The following FAM13B variants were observed in gnomAD, a reference collection of about 807,000 sequenced individuals.
FAM13B encodes the protein protein FAM13B.
FAM13B carries 60 observed loss-of-function variants against 117.3 expected under a neutral mutation model. The observed-to-expected ratio is 0.51, with a 90% CI of 0.42 to 0.63. The LOEUF is 0.63. Ranked by LOEUF, FAM13B falls within the 30% of genes least tolerant of loss-of-function variation. FAM13B has a pLI of 0.00. For synonymous variants in FAM13B, 332 were observed against 356.1 expected, an observed-to-expected ratio of 0.93 and a Z score of 0.76; for missense variants, 972 against 1,091.9, an observed-to-expected ratio of 0.89 and a Z score of 1.55.
chr5:138,032,732 G>C (rs1449644243), intron 1 of FAM13B, 50 bp downstream of exon 1: 9 of 985,576 alleles, frequency 9.1e-6, no homozygotes, highest in Non-Finnish European at 1.1e-5. Flanking sequence ...GGGCCGCGGC[G>C]ACCTGCAACC....
intron 1 of FAM13B, among the ~76,000 whole-genome samples, chr5:138,038,858 G>A (rs779712570): frequency 3.3e-5 from 5 of 152,152 alleles, no homozygotes; most frequent in East Asian, 1.9e-4. Flanking sequence ...TGTGCTAGGC[G>A]ATATGATCAT....
intron 1 of FAM13B, among the ~76,000 whole-genome samples, chr5:138,027,089 T>C (rs1418526102): frequency 6.6e-6 from 1 of 152,052 alleles, no homozygotes; most frequent in African/African-American, 2.4e-5. Context: ...GAGCTGTGAC[T>C]GCACCACTGC....
intron 10 of FAM13B, among the ~76,000 whole-genome samples, chr5:137,968,078 C>T (rs1375381881): frequency 2.0e-5 from 3 of 151,700 alleles, no homozygotes; most frequent in Non-Finnish European, 4.4e-5. Flanking sequence ...AAAAATTAGC[C>T]AGGCGTAGTG....
At chr5:137,999,878 G>A (rs1437268022) in intron 7 of FAM13B, among the ~76,000 whole-genome samples, 1 of 151,932 alleles carries the variant, frequency 6.6e-6, no homozygotes, top group Non-Finnish European at 1.5e-5. Context: ...AACTCATGAG[G>A]ACCCCACCCC....
intron 10 of FAM13B, among the ~76,000 whole-genome samples, chr5:137,971,190 AAATTGACCACAT>A (rs1228902931): frequency 6.6e-6 from 1 of 151,338 alleles, no homozygotes; most frequent in African/African-American, 2.4e-5. Flanking sequence ...ACCTATTCCA[AAATTGACCACAT>A]AGTTGGAAGT....
chr5:137,964,106 G>T (rs924010369), intron 10 of FAM13B, among the ~76,000 whole-genome samples: 3 of 151,990 alleles, frequency 2.0e-5, no homozygotes, highest in Admixed American at 6.5e-5. Context: ...CTGTCATCCA[G>T]GCCAGAGTGA....
chr5:137,954,280 T>C lies in FAM13B; in HGVS notation c.1604A>G (p.Glu535Gly), dbSNP rs1234113359. The C allele has an allele frequency of 8.1e-6, 13 of 1,614,040 alleles. No homozygotes were observed. The highest frequency in any genetic ancestry group is 1.1e-5 in the Non-Finnish European group (13 of 1,179,998). Residue 535 changes from glutamate to glycine, a missense_variant, in exon 15 of 24, where the codon GAA (glutamate) becomes GGA (glycine). Glu to Gly is a moderately conservative substitution (Grantham distance 98). Transcript: ENST00000689681. Reference sequence around the variant, plus strand: ...TGATAATACTGGAGGACAGTCCTCTTCCAAGGGGTGATGATTCATTCTTCC... The same window carrying C: ...TGATAATACTGGAGGACAGTCCTCTCCCAAGGGGTGATGATTCATTCTTCC... Reference protein sequence around the residue: ...QAGRMNHHPLEEDCPPVLSHR... With the variant: ...QAGRMNHHPLGEDCPPVLSHR...
At chr5:137,947,667 C>T (rs185645951) in intron 18 of FAM13B, among the ~76,000 whole-genome samples, 5 of 152,132 alleles carry the variant, frequency 3.3e-5, no homozygotes, top group African/African-American at 9.6e-5. Context: ...CCGCAACCTC[C>T]GTCTCCCAGG....
chr5:137,954,252 G>A lies in FAM13B; in HGVS notation c.1632C>T (p.His544=). The A allele has an allele frequency of 6.2e-7, 1 of 1,614,020 alleles. No individual in the cohort carries two copies. The highest frequency in any genetic ancestry group is 8.5e-7 in the Non-Finnish European group (1 of 1,179,996). Residue 544 remains histidine (H), a synonymous_variant, in exon 15 of 24, where the codon CAC becomes CAT. Transcript: ENST00000689681. ...GGCTTTGACCAAAATCTAAACTGCG[G>A]TGTGATAATACTGGAGGACAGTCCT... ...LEEDCPPVLS[H]RSLDFGQSQR...
At chr5:138,012,640 C>A (rs755549661) in intron 4 of FAM13B, among the ~76,000 whole-genome samples, 6 of 152,214 alleles carry the variant, frequency 3.9e-5, no homozygotes, top group East Asian at 1.9e-4. Flanking sequence ...AGAAACTAGA[C>A]CCGTATTCAT....
chr5:138,003,041 A>G (rs1056670480), intron 7 of FAM13B, among the ~76,000 whole-genome samples: 1 of 152,038 alleles, frequency 6.6e-6, no homozygotes, highest in South Asian at 2.1e-4. Flanking sequence ...CTCATTAAGC[A>G]CTTATGAAAT....
At chr5:138,020,140 A>G (rs1395584460) in intron 2 of FAM13B, among the ~76,000 whole-genome samples, 3 of 151,650 alleles carry the variant, frequency 2.0e-5, no homozygotes, top group Admixed American at 6.6e-5. Context: ...GGCTCACTGC[A>G]ACATTCACCG....
chr5:137,967,531 A>C (rs372580969), intron 10 of FAM13B, among the ~76,000 whole-genome samples: 3 of 152,110 alleles, frequency 2.0e-5, no homozygotes, highest in African/African-American at 7.2e-5. Context: ...TCAAAAAAAA[A>C]ATGTACAAAC....
chr5:137,944,839 A>C (rs574508065), intron 20 of FAM13B, among the ~76,000 whole-genome samples: 1 of 152,236 alleles, frequency 6.6e-6, no homozygotes, highest in East Asian at 1.9e-4. Context: ...TAAACAAATT[A>C]ATAAATGAAC....
chr5:138,017,872 T>C (rs530424949), intron 4 of FAM13B, among the ~76,000 whole-genome samples: 1 of 152,360 alleles, frequency 6.6e-6, no homozygotes, highest in Admixed American at 6.5e-5. Flanking sequence ...AGAATCAAAG[T>C]TGTCTTCTTC....
chr5:138,047,769 G>A lies in FAM13B; in HGVS notation c.-203+4109C>T, dbSNP rs184346775. On this transcript the variant is annotated intron_variant, in intron 1 of 3. Transcript: ENST00000502471. ...ATTGCTGGCTTTGAAAGTGAATGGAGGCCATGAACCAGGGAATGTGGACCA... is the reference window on the plus strand; with the variant it reads ...ATTGCTGGCTTTGAAAGTGAATGGAAGCCATGAACCAGGGAATGTGGACCA... Among the ~76,000 whole-genome samples, 755 of 152,284 alleles carry A rather than the reference G, an allele frequency of 5.0e-3. 14 individuals are homozygous for A. The highest frequency in any genetic ancestry group is 0.027 in the Admixed American group (407 of 15,288).
intron 12 of FAM13B, 79 bp from the exon 13 acceptor site, chr5:137,959,842 C>A: frequency 7.2e-7 from 1 of 1,379,428 alleles, no homozygotes; most frequent in South Asian, 1.3e-5. Context: ...AGCACATATC[C>A]AAGTGTAGTC....
intron 7 of FAM13B, among the ~76,000 whole-genome samples, chr5:138,003,053 G>C (rs1781680720): frequency 6.6e-6 from 1 of 151,916 alleles, no homozygotes; most frequent in South Asian, 2.1e-4. Flanking sequence ...TTATGAAATG[G>C]CATGCATTTT....
intron 10 of FAM13B, among the ~76,000 whole-genome samples, chr5:137,981,186 C>A (rs1775639431): frequency 6.7e-6 from 1 of 149,898 alleles, no homozygotes; most frequent in African/African-American, 2.5e-5. Context: ...GACGCTCTCA[C>A]CATGACCTCC....
Sources: gnomAD v4.1 joint callset for allele counts (sites outside exome capture counted in the v4.1 genomes callset) on GRCh38, gnomAD v4.1.1 for gene constraint, MANE v1.5 for transcripts, NCBI Gene and HGNC (gene_info 2026-07-23, HGNC 2026-07-21) for gene names.